The following DNER variants were observed in gnomAD, a reference collection of about 807,000 sequenced individuals.
DNER encodes delta and Notch-like epidermal growth factor-related receptor.
DNER carries 33 observed loss-of-function variants against 78.2 expected under a neutral mutation model. The ratio of observed to expected loss-of-function variants is 0.42; its 90% CI spans 0.32 to 0.56. The LOEUF (loss-of-function observed/expected upper bound fraction) is 0.56. DNER is among the 20% of genes least tolerant of loss of function. The pLI, the probability that DNER is intolerant of heterozygous loss-of-function variation, is 0.11. For synonymous variants in DNER, 417 were observed against 384.8 expected, an observed-to-expected ratio of 1.08 and a Z score of -0.98; for missense variants, 918 against 975.3, an observed-to-expected ratio of 0.94 and a Z score of 0.78.
At chr2:229,683,952 G>A (rs1228669916) in intron 1 of DNER, among the ~76,000 whole-genome samples, 1 of 152,126 alleles carries the variant, frequency 6.6e-6, no homozygotes, top group African/African-American at 2.4e-5. Context: ...CCTGTGCAGA[G>A]CACTGTGTTA....
chr2:229,709,508 G>T (rs564115854), intron 1 of DNER, among the ~76,000 whole-genome samples: 4 of 152,236 alleles, frequency 2.6e-5, no homozygotes, highest in East Asian at 1.9e-4. Context: ...TGTGTGTAAA[G>T]TCCAGTAACA....
At chr2:229,523,453 C>T (rs1454100592) in intron 5 of DNER, among the ~76,000 whole-genome samples, 7 of 152,304 alleles carry the variant, frequency 4.6e-5, no homozygotes, top group East Asian at 1.9e-4. Context: ...ATCTCCTCCC[C>T]GTGTCTTCAC....
chr2:229,388,286 C>T lies in DNER; in HGVS notation c.1834G>A (p.Val612Met), dbSNP rs751274945. 2.5e-6 allele frequency: 4 copies of T among 1,609,660 alleles called. No homozygotes were observed. Among genetic ancestry groups the T allele is most frequent in the Non-Finnish European group, 2.5e-6 (3 of 1,177,734 alleles). Residue 612 changes from valine to methionine, a missense_variant, in exon 11 of 13, where the codon GTG (valine) becomes ATG (methionine). Physicochemically the swap from Val to Met is conservative, Grantham distance 21. Coordinates refer to ENST00000341772, the MANE Select transcript of DNER (RefSeq NM_139072.4). ...TTACGGATCTCACAGTTTGCTCCCACCCAACCATGCGGGCAGTGGCAGTTA... is the reference window on the plus strand; with the variant it reads ...TTACGGATCTCACAGTTTGCTCCCATCCAACCATGCGGGCAGTGGCAGTTA... ...GYNCHCPHGW[V>M]GANCEIHLQW...
chr2:229,640,457 C>T (rs1698597872), intron 1 of DNER, among the ~76,000 whole-genome samples: 1 of 141,770 alleles, frequency 7.1e-6, no homozygotes, highest in South Asian at 2.3e-4. Context: ...AAAGCTGTCA[C>T]AGAAATACCT....
In DNER at chr2:229,591,421, G is replaced by T. The variant is rs1040748835; in HGVS notation, c.585+159C>A. 3.9e-5 allele frequency among the ~76,000 whole-genome samples: 6 copies of T among 151,940 alleles called. No homozygotes were observed. The highest frequency in any genetic ancestry group is 6.6e-5 in the Admixed American group (1 of 15,262). Reference sequence around the variant, plus strand: ...CTCTTTTTATACTTATAAAACCATCGTACACACAAATGCAGACAGGAATAA... The same window carrying T: ...CTCTTTTTATACTTATAAAACCATCTTACACACAAATGCAGACAGGAATAA... On this transcript the variant is annotated intron_variant, in intron 2 of 12. Coordinates refer to ENST00000341772, the MANE Select transcript of DNER (RefSeq NM_139072.4). The surrounding 1 kb of genome is among the most constrained non-coding windows in gnomAD (Gnocchi z 4.6).
intron 5 of DNER, among the ~76,000 whole-genome samples, chr2:229,515,336 G>A (rs921391460): frequency 6.6e-6 from 1 of 152,198 alleles, no homozygotes; most frequent in Non-Finnish European, 1.5e-5. Context: ...CCTGTTTGGA[G>A]CTCTCTGTGC....
At chr2:229,457,096 A>G (rs1694591789) in intron 7 of DNER, among the ~76,000 whole-genome samples, 1 of 152,084 alleles carries the variant, frequency 6.6e-6, no homozygotes, top group Non-Finnish European at 1.5e-5. Context: ...AAGGTTAATT[A>G]AGATATTTTC....
At chr2:229,508,721 A>C in intron 6 of DNER, among the ~76,000 whole-genome samples, 1 of 151,820 alleles carries the variant, frequency 6.6e-6, no homozygotes, top group Non-Finnish European at 1.5e-5. Flanking sequence ...CTCTACTAAA[A>C]ATACAAAAAA....
intron 8 of DNER, among the ~76,000 whole-genome samples, chr2:229,437,752 A>C (rs1031861052): frequency 1.2e-4 from 19 of 152,236 alleles, no homozygotes; most frequent in African/African-American, 4.6e-4. Context: ...TAAAAACAAC[A>C]AAAGTCAAAT....
At chr2:229,442,458 T>C (rs1288964205) in intron 8 of DNER, among the ~76,000 whole-genome samples, 2 of 151,302 alleles carry the variant, frequency 1.3e-5, no homozygotes, top group Non-Finnish European at 2.9e-5. Context: ...GAGGTTGCAG[T>C]GAGCTGAGAC....
chr2:229,401,496 A>T (rs545659751), intron 10 of DNER, among the ~76,000 whole-genome samples: 1 of 152,130 alleles, frequency 6.6e-6, no homozygotes, highest in Non-Finnish European at 1.5e-5. Context: ...CTCAGCAATA[A>T]AAAGGGAGAA....
chr2:229,434,923 TATACAC>T (rs753606508), intron 8 of DNER, among the ~76,000 whole-genome samples: 96 of 109,064 alleles, frequency 8.8e-4, no homozygotes, highest in Admixed American at 1.2e-3. Context: ...TATATATATA[TATACAC>T]ACACACACAC....
chr2:229,560,427 C>T (rs1452444766), intron 4 of DNER, among the ~76,000 whole-genome samples: 6 of 152,238 alleles, frequency 3.9e-5, no homozygotes, highest in Middle Eastern at 3.4e-3. Flanking sequence ...ATGGCTGGCA[C>T]CAGATAGGCA....
intron 5 of DNER, among the ~76,000 whole-genome samples, chr2:229,524,464 A>C (rs970335378): frequency 6.6e-6 from 1 of 152,254 alleles, no homozygotes; most frequent in African/African-American, 2.4e-5. Flanking sequence ...CAAAGGAGTC[A>C]GTGCAGACAT....
chr2:229,522,796 CA>C (rs1696127983), intron 5 of DNER, among the ~76,000 whole-genome samples: 1 of 152,184 alleles, frequency 6.6e-6, no homozygotes. Flanking sequence ...GGGGACGGAA[CA>C]GAGGACAAAG....
intron 1 of DNER, among the ~76,000 whole-genome samples, chr2:229,666,689 A>G (rs968643285): frequency 3.3e-5 from 5 of 152,240 alleles, no homozygotes; most frequent in African/African-American, 1.2e-4. Flanking sequence ...TTTTACAGAA[A>G]GTGCTAACCC....
rs562982877 is a variant in DNER at position 229,414,348 on chromosome 2, C to T, written c.1609+3760G>A. Among the ~76,000 whole-genome samples, 19 of 152,292 alleles carry T rather than the reference C, an allele frequency of 1.2e-4. No individual in the cohort carries two copies. The South Asian group carries it at 2.9e-3, about 23-fold the overall frequency. ...GTGGTGTGATCTCAGCTCACTGCAA[C>T]GTCTACCTCCCAGGTTCAAGCAGTT... is the stretch of plus-strand genomic sequence containing the variant. On this transcript the variant is annotated intron_variant, in intron 9 of 12. Transcript: ENST00000341772.
At chr2:229,388,469 A>T (rs1692947495) in intron 10 of DNER, 73 bp from the exon 11 acceptor site, 1 of 1,513,652 alleles carries the variant, frequency 6.6e-7, no homozygotes, top group Non-Finnish European at 8.9e-7. Flanking sequence ...GCCAAAAAAT[A>T]AAGATCCAAG....
intron 1 of DNER, among the ~76,000 whole-genome samples, chr2:229,710,687 T>G (rs1419230150): frequency 1.3e-5 from 2 of 152,130 alleles, no homozygotes; most frequent in African/African-American, 4.8e-5. Flanking sequence ...GTTAGAGGAC[T>G]TTCAGGGCAG....
Sources: allele counts gnomAD v4.1 joint callset (sites outside exome capture counted in the v4.1 genomes callset), GRCh38; gene constraint gnomAD v4.1.1; non-coding constraint Gnocchi (gnomAD v3.1); transcripts MANE v1.5; gene names NCBI Gene and HGNC (gene_info 2026-07-23, HGNC 2026-07-21).